The following LHX8 variants were observed in gnomAD, a reference collection of about 807,000 sequenced individuals.
LHX8 encodes LIM/homeobox protein Lhx8.
Under a neutral mutation model 40.3 loss-of-function variants are expected in LHX8, and 12 were observed. The ratio of observed to expected loss-of-function variants is 0.30; its 90% confidence interval spans 0.19 to 0.48. The LOEUF is 0.48. Ranked by LOEUF, LHX8 falls within the 20% of genes least tolerant of loss-of-function variation. The pLI is 0.99. For synonymous variants in LHX8, 179 were observed against 162.0 expected, an observed-to-expected ratio of 1.10 and a Z score of -0.80; for missense variants, 344 against 433.7, an observed-to-expected ratio of 0.79 and a Z score of 1.84.
chr1:75,132,881 A>C (rs937536123), upstream of LHX8: 3 of 152,166 alleles, frequency 2.0e-5, no homozygotes, highest in African/African-American at 7.2e-5. Flanking sequence ...AATGTTCTGC[A>C]CGACTCTGAC....
chr1:75,186,526 G>A, the LHX8 span, among the ~76,000 whole-genome samples: 1 of 152,162 alleles, frequency 6.6e-6, no homozygotes, highest in African/African-American at 2.4e-5. Context: ...TTTATGCCCT[G>A]TATCCATGAT....
chr1:75,138,999 G>A (rs1171770415), intron 3 of LHX8, among the ~76,000 whole-genome samples: 6 of 151,872 alleles, frequency 4.0e-5, no homozygotes, highest in Non-Finnish European at 8.8e-5. Flanking sequence ...TTTATTTTCC[G>A]TTTTGAGTAC....
the LHX8 span, among the ~76,000 whole-genome samples, chr1:75,177,173 A>T: frequency 6.6e-6 from 1 of 152,122 alleles, no homozygotes; most frequent in African/African-American, 2.4e-5. Context: ...TTTTGGTTCC[A>T]TATGAACTTT....
chr1:75,160,212 A>C (rs1648882290), intron 8 of LHX8: 1 of 152,468 alleles, frequency 6.6e-6, no homozygotes, highest in Admixed American at 6.5e-5. Flanking sequence ...AGATTTTAAA[A>C]ATTTTGTCCA....
intron 7 of LHX8, among the ~76,000 whole-genome samples, chr1:75,155,081 T>G (rs922443879): frequency 6.6e-6 from 1 of 152,170 alleles, no homozygotes; most frequent in Non-Finnish European, 1.5e-5. Flanking sequence ...AACAGACTTA[T>G]GCCCCTGATG....
At chr1:75,155,028 G>T (rs1235133377) in intron 7 of LHX8, among the ~76,000 whole-genome samples, 1 of 151,902 alleles carries the variant, frequency 6.6e-6, no homozygotes, top group Non-Finnish European at 1.5e-5. Context: ...ACATTAATCA[G>T]CCCTGATTGC....
chr1:75,146,383 G>A (rs150885861), intron 6 of LHX8, among the ~76,000 whole-genome samples: 2 of 152,216 alleles, frequency 1.3e-5, no homozygotes, highest in East Asian at 1.9e-4. Context: ...TTCAAATACC[G>A]TCCCATTTGT....
chr1:75,147,968 C>T (rs1004230444), intron 6 of LHX8, among the ~76,000 whole-genome samples: 7 of 152,184 alleles, frequency 4.6e-5, no homozygotes, highest in African/African-American at 1.7e-4. Context: ...GGTTTCAATC[C>T]AAAGGCTTAC....
the LHX8 span, among the ~76,000 whole-genome samples, chr1:75,186,298 C>T: frequency 6.6e-6 from 1 of 152,150 alleles, no homozygotes; most frequent in African/African-American, 2.4e-5. Context: ...AACTATATTA[C>T]AGGGCCACTG....
intron 3 of LHX8, among the ~76,000 whole-genome samples, chr1:75,139,377 T>A (rs1190624778): frequency 1.3e-5 from 2 of 152,120 alleles, no homozygotes; most frequent in Non-Finnish European, 2.9e-5. Flanking sequence ...TGAAAAAACG[T>A]GACAACCAGG....
chr1:75,142,567 C>T (rs1012189497), intron 4 of LHX8, among the ~76,000 whole-genome samples: 5 of 152,128 alleles, frequency 3.3e-5, no homozygotes, highest in African/African-American at 1.2e-4. Flanking sequence ...CCTTTCTCAC[C>T]CAACAGGGTG....
intron 7 of LHX8, among the ~76,000 whole-genome samples, chr1:75,154,458 A>G (rs1306001100): frequency 6.6e-6 from 1 of 151,764 alleles, no homozygotes; most frequent in Non-Finnish European, 1.5e-5. Context: ...CATTCAATAT[A>G]TAACTTATTG....
chr1:75,153,749 T>G (rs568802685), intron 7 of LHX8, among the ~76,000 whole-genome samples: 11 of 152,184 alleles, frequency 7.2e-5, no homozygotes, highest in Non-Finnish European at 1.0e-4. Context: ...TAGAGAGTAT[T>G]TCAATGTTGC....
the LHX8 span, among the ~76,000 whole-genome samples, chr1:75,188,012 T>C: frequency 6.6e-6 from 1 of 152,180 alleles, no homozygotes; most frequent in African/African-American, 2.4e-5. Flanking sequence ...GTGGCTTTCA[T>C]GCCCCTTCAT....
the LHX8 span, among the ~76,000 whole-genome samples, chr1:75,179,502 G>GTTTTTTTTT: frequency 8.6e-4 from 93 of 108,350 alleles, no homozygotes; most frequent in Non-Finnish European, 1.3e-3. Flanking sequence ...AACCCCTGTT[G>GTTTTTTTTT]TTTTTTTTTT....
At chr1:75,154,245 T>TA (rs1648694108) in intron 7 of LHX8, among the ~76,000 whole-genome samples, 1 of 152,144 alleles carries the variant, frequency 6.6e-6, no homozygotes, top group East Asian at 1.9e-4. Context: ...TATTTTGCTC[T>TA]ACCAGTTAGT....
the LHX8 span, among the ~76,000 whole-genome samples, chr1:75,183,512 T>C: frequency 6.6e-6 from 1 of 152,112 alleles, no homozygotes; most frequent in African/African-American, 2.4e-5. Context: ...AAGAATTACA[T>C]ATCCAGCCAA....
intron 1 of LHX8, among the ~76,000 whole-genome samples, chr1:75,136,244 G>A (rs1423616992): frequency 6.7e-6 from 1 of 149,762 alleles, no homozygotes; most frequent in African/African-American, 2.5e-5. Flanking sequence ...GGTGTTCCCC[G>A]CTCCGCTATG....
intron 7 of LHX8, among the ~76,000 whole-genome samples, chr1:75,156,224 TG>T (rs1354157692): frequency 1.6e-4 from 18 of 112,648 alleles, no homozygotes; most frequent in Non-Finnish European, 3.3e-4. Context: ...TTGTTGTTGT[TG>T]TTGTTGTTGT....
Sources: gnomAD v4.1 joint callset for allele counts (sites outside exome capture counted in the v4.1 genomes callset) on GRCh38, gnomAD v4.1.1 for gene constraint, MANE v1.5 for transcripts, NCBI Gene and HGNC (gene_info 2026-07-23, HGNC 2026-07-21) for gene names.